The following PPP1R12B variants were observed in gnomAD, a reference collection of about 807,000 sequenced individuals.
PPP1R12B encodes protein phosphatase 1 regulatory subunit 12B.
A neutral mutation model predicts 126.1 loss-of-function variants in PPP1R12B; 76 were observed. That is an observed-to-expected ratio of 0.60 (90% CI 0.50 to 0.73). The LOEUF (loss-of-function observed/expected upper bound fraction) is 0.73. PPP1R12B is among the 30% of genes least tolerant of loss of function. The pLI, the probability that PPP1R12B is intolerant of heterozygous loss-of-function variation, is 0.00. For missense variants in PPP1R12B, 1,052 were observed against 1,205.1 expected (o/e 0.87, Z 1.88); for synonymous variants, 356 against 434.7 (o/e 0.82, Z 2.25).
intron 23 of PPP1R12B, 84 bp from the exon 24 acceptor site, chr1:202,580,390 C>A (rs969850811): frequency 9.9e-7 from 1 of 1,013,848 alleles, no homozygotes; most frequent in Non-Finnish European, 1.6e-6. Flanking sequence ...AGGCCCTGCT[C>A]ACCAGGCTGG....
intron 1 of PPP1R12B, among the ~76,000 whole-genome samples, chr1:202,384,937 A>C (rs1662892047): frequency 6.6e-6 from 1 of 152,224 alleles, no homozygotes; most frequent in Non-Finnish European, 1.5e-5. Flanking sequence ...TTCCACTTAC[A>C]ATTGCTGTTG....
chr1:202,536,210 A>G (rs1027848413), intron 18 of PPP1R12B, among the ~76,000 whole-genome samples: 9 of 152,128 alleles, frequency 5.9e-5, no homozygotes, highest in Admixed American at 3.3e-4. Flanking sequence ...TTTTTAGGCA[A>G]TTTCGTCCCT....
chr1:202,403,602 G>C (rs1666157197), intron 1 of PPP1R12B, among the ~76,000 whole-genome samples: 1 of 152,244 alleles, frequency 6.6e-6, no homozygotes, highest in South Asian at 2.1e-4. Context: ...CTGTGGGGCA[G>C]GGAACAGCTG....
At chr1:202,510,576 T>G (rs747922320) in intron 18 of PPP1R12B, among the ~76,000 whole-genome samples, 2 of 152,164 alleles carry the variant, frequency 1.3e-5, no homozygotes, top group Non-Finnish European at 2.9e-5. Flanking sequence ...CCTCTACTCC[T>G]TTCTGTCCTC....
intron 13 of PPP1R12B, among the ~76,000 whole-genome samples, chr1:202,477,969 C>T (rs1676882130): frequency 6.6e-6 from 1 of 152,078 alleles, no homozygotes; most frequent in African/African-American, 2.4e-5. Flanking sequence ...TTTCCGGATG[C>T]CAGAAGGCGA....
chr1:202,423,733 G>T (rs562660023), intron 3 of PPP1R12B, among the ~76,000 whole-genome samples: 1 of 152,232 alleles, frequency 6.6e-6, no homozygotes, highest in South Asian at 2.1e-4. Flanking sequence ...GCCCAGGCTG[G>T]AGTGCAGTGG....
chr1:202,528,120 C>G (rs1429280784), intron 18 of PPP1R12B, among the ~76,000 whole-genome samples: 1 of 152,136 alleles, frequency 6.6e-6, no homozygotes, highest in African/African-American at 2.4e-5. Flanking sequence ...CGTAAGATAG[C>G]TAGGTCACTA....
chr1:202,570,256 G>A (rs1688467282), intron 23 of PPP1R12B, among the ~76,000 whole-genome samples: 1 of 152,012 alleles, frequency 6.6e-6, no homozygotes, highest in Admixed American at 6.6e-5. Context: ...ATGCAGTTTG[G>A]GAGAGACATT....
In PPP1R12B at chr1:202,442,482, A is replaced by G. The variant is rs1411732974; in HGVS notation, c.1577A>G (p.Tyr526Cys). Residue 526 changes from tyrosine to cysteine, a missense_variant, in exon 12 of 24, where the codon TAT (tyrosine) becomes TGT (cysteine). Physicochemically the swap from Tyr to Cys is radical, Grantham distance 194. Transcript: ENST00000608999. ...GTTAATCTAGTGAGGAGTGGCTCCTATACCCGGCAGCTATGGAGGGATGAA... is the reference window on the plus strand; with the variant it reads ...GTTAATCTAGTGAGGAGTGGCTCCTGTACCCGGCAGCTATGGAGGGATGAA... ...SAVNLVRSGSYTRQLWRDEAK... is the reference protein window; with the variant it reads ...SAVNLVRSGSCTRQLWRDEAK... 1 of 1,613,802 alleles carries G rather than the reference A, an allele frequency of 6.2e-7. No homozygotes were observed. The highest frequency in any genetic ancestry group is 1.7e-5 in the Admixed American group (1 of 59,978).
At chr1:202,482,670 TTTC>T in intron 13 of PPP1R12B, among the ~76,000 whole-genome samples, 1 of 152,202 alleles carries the variant, frequency 6.6e-6, no homozygotes, top group East Asian at 1.9e-4. Flanking sequence ...GTTTGCAAAT[TTTC>T]TTTCCCATCC....
chr1:202,468,104 G>A (rs1022320397), intron 13 of PPP1R12B, among the ~76,000 whole-genome samples: 24 of 151,612 alleles, frequency 1.6e-4, no homozygotes, highest in African/African-American at 2.4e-4. Flanking sequence ...GTTTGAGTTC[G>A]TTGTAGATTC....
chr1:202,351,627 A>G (rs1054789431), intron 1 of PPP1R12B, among the ~76,000 whole-genome samples: 1 of 152,204 alleles, frequency 6.6e-6, no homozygotes, highest in Non-Finnish European at 1.5e-5. Flanking sequence ...TTTACAATGG[A>G]TTCACCTTCT....
At chr1:202,360,694 A>AG (rs1658012352) in intron 1 of PPP1R12B, among the ~76,000 whole-genome samples, 1 of 151,322 alleles carries the variant, frequency 6.6e-6, no homozygotes, top group Admixed American at 6.6e-5. Flanking sequence ...GGGCAACAAG[A>AG]GTGAAACTCC....
At chr1:202,439,087 C>A in intron 10 of PPP1R12B, 1 of 1,470,912 alleles carries the variant, frequency 6.8e-7, no homozygotes, top group Non-Finnish European at 9.5e-7. Flanking sequence ...AGACCATCAC[C>A]TCCAGCGCCA....
intron 18 of PPP1R12B, among the ~76,000 whole-genome samples, chr1:202,554,929 C>T (rs1686726343): frequency 1.3e-5 from 2 of 151,908 alleles, no homozygotes; most frequent in African/African-American, 4.8e-5. Flanking sequence ...AGTGTGAGCA[C>T]CATTATCATT....
chr1:202,430,520 A>G (rs1670050343), intron 6 of PPP1R12B, among the ~76,000 whole-genome samples: 1 of 151,794 alleles, frequency 6.6e-6, no homozygotes. Flanking sequence ...TGAAGTTCTT[A>G]ACACCATGGC....
chr1:202,489,297 C>A (rs1678563312), intron 14 of PPP1R12B, among the ~76,000 whole-genome samples: 1 of 152,136 alleles, frequency 6.6e-6, no homozygotes, highest in Non-Finnish European at 1.5e-5. Flanking sequence ...TTTTAAGAAT[C>A]CCTAAGGGAA....
At chr1:202,397,821 C>G (rs1466280613) in intron 1 of PPP1R12B, among the ~76,000 whole-genome samples, 2 of 152,208 alleles carry the variant, frequency 1.3e-5, no homozygotes, top group Non-Finnish European at 2.9e-5. Flanking sequence ...ATGCATGTAG[C>G]TATTTTCTGG....
At chr1:202,573,575 T>C (rs942218567) in intron 23 of PPP1R12B, among the ~76,000 whole-genome samples, 1 of 152,114 alleles carries the variant, frequency 6.6e-6, no homozygotes, top group Non-Finnish European at 1.5e-5. Context: ...TGAAACCCCA[T>C]TTGCATAAAA....
Sources: gnomAD v4.1 joint callset for allele counts (sites outside exome capture counted in the v4.1 genomes callset) on GRCh38, gnomAD v4.1.1 for gene constraint, MANE v1.5 for transcripts, NCBI Gene and HGNC (gene_info 2026-07-23, HGNC 2026-07-21) for gene names.